The following TMEM150B variants were observed in gnomAD, a reference collection of about 807,000 sequenced individuals.
The protein encoded by TMEM150B is modulator of macroautophagy TMEM150B.
In TMEM150B, 33 loss-of-function variants were observed where a neutral mutation model predicts 25.2. That is an observed-to-expected ratio of 1.31 (90% CI 0.99 to 1.75). TMEM150B has a LOEUF of 1.75. Ranked by LOEUF, TMEM150B falls within the 40% of genes most tolerant of loss-of-function variation. The pLI, the probability that TMEM150B is intolerant of heterozygous loss-of-function variation, is 0.00. For missense variants in TMEM150B, 322 were observed against 306.1 expected (o/e 1.05, Z -0.39); for synonymous variants, 133 against 134.8 (o/e 0.99, Z 0.09).
chr19:55,321,134 T>C (rs889002662), intron 2 of TMEM150B, 41 bp from the exon 3 acceptor site: 90 of 1,494,764 alleles, frequency 6.0e-5, no homozygotes, highest in Non-Finnish European at 7.8e-5. Flanking sequence ...GTGCATGAGA[T>C]TGTGGCCCCA....
At chr19:55,310,067 T>C (rs1259432506), downstream of TMEM150B, among the ~76,000 whole-genome samples, 1 of 152,236 alleles carries the variant, frequency 6.6e-6, no homozygotes, top group African/African-American at 2.4e-5. This position sits in a 1 kb window ranked among gnomAD's most constrained non-coding sequence, Gnocchi z 5.0. Flanking sequence ...TCAGGTCTTT[T>C]GCTCTGGAGC....
intron 6 of TMEM150B, among the ~76,000 whole-genome samples, chr19:55,317,585 G>T (rs1041660436): frequency 5.9e-5 from 9 of 152,110 alleles, no homozygotes; most frequent in Admixed American, 5.2e-4. Flanking sequence ...TTCGAGACCA[G>T]CCTGGCCAAC....
chr19:55,324,737 C>T, intron 1 of TMEM150B: 4 of 985,438 alleles, frequency 4.1e-6, no homozygotes, highest in African/African-American at 1.7e-5. Context: ...TCCAAGTCCT[C>T]CTCACCCCTT....
downstream of TMEM150B, chr19:55,311,988 CCA>C: frequency 6.3e-7 from 1 of 1,575,784 alleles, no homozygotes; most frequent in Non-Finnish European, 8.6e-7. Flanking sequence ...CCGCCCAGAC[CCA>C]GAGCTGAGCA....
At chr19:55,317,076 CA>C in intron 6 of TMEM150B, 110 bp from the exon 7 acceptor site, 2 of 960,992 alleles carry the variant, frequency 2.1e-6, no homozygotes, top group Non-Finnish European at 3.0e-6. Flanking sequence ...ACCAACTTTC[CA>C]TACCCAGTGA....
downstream of TMEM150B, chr19:55,312,207 G>A: frequency 4.2e-6 from 2 of 476,190 alleles, no homozygotes; most frequent in Non-Finnish European, 7.4e-6. Flanking sequence ...CAGGGATGGG[G>A]CTCCACAGGC....
rs758266421 is a variant in TMEM150B, at chr19:55,312,956, T to C, written c.605A>G (p.Asp202Gly). ...GGTGCAGCTCTCCAGGGCGGAGAAGTCAACGGCTAAGAGACCGAAGAGCGC... is the reference window on the plus strand; with the variant it reads ...GGTGCAGCTCTCCAGGGCGGAGAAGCCAACGGCTAAGAGACCGAAGAGCGC... Reference protein sequence around the residue: ...LFALFGLLAVDFSALESCTLC... With the variant: ...LFALFGLLAVGFSALESCTLC... Residue 202 changes from aspartate (D) to glycine (G), a missense_variant, in exon 8 of 8, where the codon GAC becomes GGC. Physicochemically the swap from Asp to Gly is moderately conservative, Grantham distance 94. Transcript: ENST00000326652. The C allele has an allele frequency of 3.7e-6, 6 of 1,613,284 alleles. No homozygotes were observed. The highest frequency in any genetic ancestry group is 3.4e-6 in the Non-Finnish European group (4 of 1,179,820).
downstream of TMEM150B, among the ~76,000 whole-genome samples, chr19:55,311,031 G>C (rs1276621303): frequency 2.6e-5 from 4 of 152,142 alleles, no homozygotes; most frequent in Non-Finnish European, 5.9e-5. Context: ...CGCGATCTCA[G>C]CTCACTGCAA....
intron 6 of TMEM150B, among the ~76,000 whole-genome samples, chr19:55,317,673 T>C (rs548850889): frequency 6.6e-6 from 1 of 151,520 alleles, no homozygotes; most frequent in East Asian, 2.0e-4. Context: ...CCCAGCTACT[T>C]GGGAGGCTGA....
chr19:55,309,591 AG>A (rs1486362705), downstream of TMEM150B, among the ~76,000 whole-genome samples: 1 of 152,154 alleles, frequency 6.6e-6, no homozygotes, highest in Non-Finnish European at 1.5e-5. Context: ...AGAAGGGGCA[AG>A]GGAACTCTCT....
chr19:55,312,072 C>A (rs1319682553), downstream of TMEM150B: 9 of 1,416,224 alleles, frequency 6.4e-6, no homozygotes, highest in Non-Finnish European at 7.4e-6. Flanking sequence ...GCCCTGACCC[C>A]ACGGGGCCGG....
Position 55,321,000 on chromosome 19 carries a change from C to T in TMEM150B, c.37G>A (p.Ala13Thr). 1.1e-5 allele frequency: 17 copies of T among 1,613,954 alleles called. No individual in the cohort carries two copies. Among genetic ancestry groups the T allele is most frequent in the Non-Finnish European group, 1.4e-5 (17 of 1,179,894 alleles). The change falls in exon 3 of 8, where the codon GCT becomes ACT. Residue 13 changes from alanine (A) to threonine (T), a missense_variant. Physicochemically the swap from Ala to Thr is moderately conservative, Grantham distance 58. Coordinates refer to ENST00000326652, the MANE Select transcript of TMEM150B (RefSeq NM_001282011.2). ...GYLSLMPVFL[A>T]VWAISGVWIV... ...CAGACGCCAGAGATAGCCCAGACAGCTAGGAAGACAGGCATCAGCGACAGG... is the reference window on the plus strand; with the variant it reads ...CAGACGCCAGAGATAGCCCAGACAGTTAGGAAGACAGGCATCAGCGACAGG...
chr19:55,323,802 CTTT>C (rs367630607), intron 1 of TMEM150B, among the ~76,000 whole-genome samples: 1 of 100,890 alleles, frequency 9.9e-6, no homozygotes, highest in Non-Finnish European at 1.9e-5. Context: ...TGCGCCCAAC[CTTT>C]TTTTTTTTTT....
chr19:55,316,878 C>T lies in TMEM150B; in HGVS notation c.413G>A (p.Trp138Ter). ...GGGCTGGGGCAGCCTCTTCAGCCTCCACAGGAGGAGCTGCAGCCAGAAGTA... is the reference window on the plus strand; with the variant it reads ...GGGCTGGGGCAGCCTCTTCAGCCTCTACAGGAGGAGCTGCAGCCAGAAGTA... The part of the protein sequence containing the change: ...NVYFWLQLLL[W>*]RLKRLPQPGA... The change falls in exon 7 of 8, where the codon TGG becomes TAG. Residue 138 changes from tryptophan to a stop codon, truncating the protein, a stop_gained. Transcript: ENST00000326652. LOFTEE classifies it high-confidence loss of function. 2 of 1,603,774 alleles carry T rather than the reference C, an allele frequency of 1.2e-6. No individual in the cohort carries two copies. Among genetic ancestry groups the T allele is most frequent in the South Asian group, 2.2e-5 (2 of 89,322 alleles).
In TMEM150B at chr19:55,319,652, G is replaced by T. The variant is rs928581507; in HGVS notation, c.324+387C>A. ...GGAGAGACGGGGTTTCACCATGTTGGTTGGCCAGGCTGGTCTCAAACTCCT... is the reference window on the plus strand; with the variant it reads ...GGAGAGACGGGGTTTCACCATGTTGTTTGGCCAGGCTGGTCTCAAACTCCT... On this transcript the variant is annotated intron_variant, in intron 6 of 7. Transcript: ENST00000326652. The T allele has an allele frequency of 1.2e-5, 9 of 723,328 alleles. 1 individual carries two copies. In the Admixed American group the frequency reaches 4.3e-4, roughly 34 times the overall value. The allele number at this position is 723,328 out of a possible 1,614,324, so 44.8% of individuals were successfully genotyped here.
chr19:55,318,550 C>T (rs1489782835), intron 6 of TMEM150B, among the ~76,000 whole-genome samples: 1 of 151,934 alleles, frequency 6.6e-6, no homozygotes, highest in Non-Finnish European at 1.5e-5. Context: ...GCAGGAGAAT[C>T]GCTTGAACCC....
downstream of TMEM150B, chr19:55,312,013 G>A (rs771530018): frequency 4.5e-5 from 66 of 1,453,074 alleles, no homozygotes; most frequent in Middle Eastern, 2.0e-4. Flanking sequence ...TCTCCCCGCC[G>A]AGGCCCCCCC....
downstream of TMEM150B, chr19:55,311,879 GAACCCACGAA>G (rs1568992114): frequency 1.9e-6 from 3 of 1,607,610 alleles, no homozygotes; most frequent in Non-Finnish European, 2.5e-6. Flanking sequence ...CTGGGCTGCG[GAACCCACGAA>G]AAACCTCTTC....
At chr19:55,317,027 A>C in intron 6 of TMEM150B, 61 bp from the exon 7 acceptor site, 1 of 1,504,956 alleles carries the variant, frequency 6.6e-7, no homozygotes, top group Non-Finnish European at 8.9e-7. Context: ...GGGGCACCAG[A>C]GGGGCCAGGG....
Sources: gnomAD v4.1 joint callset for allele counts (sites outside exome capture counted in the v4.1 genomes callset) on GRCh38, gnomAD v4.1.1 for gene constraint, Gnocchi (gnomAD v3.1) non-coding constraint, MANE v1.5 for transcripts, NCBI Gene and HGNC (gene_info 2026-07-23, HGNC 2026-07-21) for gene names.